The following PDE4A variants were observed in gnomAD, a reference collection of about 807,000 sequenced individuals.
PDE4A encodes the protein phosphodiesterase 4A.
Under a neutral mutation model 73.9 loss-of-function variants are expected in PDE4A, and 21 were observed. That is an observed-to-expected ratio of 0.28 (90% CI 0.20 to 0.41). The LOEUF is 0.41. PDE4A is among the 10% of genes least tolerant of loss of function. The pLI is 1.00. For synonymous variants in PDE4A, 463 were observed against 505.4 expected (o/e 0.92, Z 1.13); for missense variants, 958 against 1,211.4 (o/e 0.79, Z 3.10).
intron 8 of PDE4A, chr19:10,459,123 C>T: frequency 2.2e-6 from 1 of 462,542 alleles, no homozygotes; most frequent in Non-Finnish European, 3.9e-6. Context: ...GTCACATCGC[C>T]TCTCTGAGCC....
intron 1 of PDE4A, chr19:10,427,731 C>T (rs1257120352): frequency 1.9e-5 from 18 of 948,010 alleles, no homozygotes; most frequent in East Asian, 1.2e-4. Context: ...TTGGCTTCCC[C>T]GTCTCTGAAA....
chr19:10,422,811 T>A (rs2042668137), intron 1 of PDE4A, among the ~76,000 whole-genome samples: 1 of 152,108 alleles, frequency 6.6e-6, no homozygotes, highest in African/African-American at 2.4e-5. Context: ...AAAGTTGGAA[T>A]CAACAGAAAA....
chr19:10,431,385 T>C (rs2042786352), intron 1 of PDE4A, among the ~76,000 whole-genome samples: 1 of 152,194 alleles, frequency 6.6e-6, no homozygotes, highest in East Asian at 1.9e-4. Flanking sequence ...GGGGTATGTG[T>C]TCAGTTCTGT....
rs146200648 is a variant in PDE4A at position 10,459,442 on chromosome 19, G to A, written c.1144G>A (p.Val382Met). ...CAAGTGGGGCCTGAACATCTTTTGC[G>A]TGTCGGATTACGCTGGAGGCCGCTC... ...LNKWGLNIFC[V>M]SDYAGGRSLT... The change falls in exon 9 of 15, where the codon GTG becomes ATG. Residue 382 changes from valine (V) to methionine (M), a missense_variant. Val to Met is a conservative substitution (Grantham distance 21). Transcript: ENST00000380702. 22 of 1,614,070 alleles carry A rather than the reference G, an allele frequency of 1.4e-5. No individual in the cohort carries two copies. The highest frequency in any genetic ancestry group is 5.3e-5 in the African/African-American group (4 of 74,908).
In PDE4A at chr19:10,461,083, A is replaced by G. The variant is rs202184347; in HGVS notation, c.1445A>G (p.Asn482Ser). 7 of 1,612,986 alleles carry G rather than the reference A, an allele frequency of 4.3e-6. No homozygotes were observed. The highest frequency in any genetic ancestry group is 2.2e-5 in the East Asian group (1 of 44,826). ...GATGTGGATCACCCTGGGGTCTCCA[A>G]CCAGTTCCTCATCAACACCAGTGAG... ...IHDVDHPGVSNQFLINTNSEL... is the reference protein window; with the variant it reads ...IHDVDHPGVSSQFLINTNSEL... Residue 482 changes from asparagine to serine, a missense_variant, in exon 11 of 15, where the codon AAC becomes AGC. Coordinates refer to ENST00000380702, the MANE Select transcript of PDE4A (RefSeq NM_001111307.2).
At position 10,455,806 on chromosome 19, in the gene PDE4A, C is replaced by T. The variant is rs530239507; in HGVS notation, c.877+884C>T. ...AAAAGCCTCCAAGCTGAAAAGCCTC[C>T]TGAACTGAGTAGAACCCCAAATTCA... is the stretch of plus-strand genomic sequence containing the variant. On this transcript the variant is annotated intron_variant, in intron 7 of 14. Transcript: ENST00000380702. Among the ~76,000 whole-genome samples the T allele has an allele frequency of 8.0e-4, 121 of 151,788 alleles. 2 individuals carry two copies. The South Asian group carries it at 0.01, about 13-fold the overall frequency.
chr19:10,417,368 A>T, upstream of PDE4A: 1 of 985,220 alleles, frequency 1.0e-6, no homozygotes, highest in Non-Finnish European at 1.2e-6. Flanking sequence ...TAAAAAGGTG[A>T]TGTGTTAGAG....
intron 14 of PDE4A, among the ~76,000 whole-genome samples, chr19:10,464,184 G>A (rs1217808642): frequency 1.3e-5 from 2 of 151,828 alleles, no homozygotes; most frequent in African/African-American, 2.4e-5. Context: ...TGCAACCTCC[G>A]CCTCCCAGGT....
chr19:10,463,748 C>G lies in PDE4A; in HGVS notation c.1744-45C>G, dbSNP rs76884064. The G allele has an allele frequency of 9.9e-3, 15,871 of 1,602,766 alleles. 703 individuals carry two copies. The African/African-American group carries it at 0.12, about 12-fold the overall frequency. Reference sequence around the variant, plus strand: ...ATGCCTGAGGTCTCAGACTGGGACACAGGCATAGCCTCTGAAGTTTCCCCT... The same window carrying G: ...ATGCCTGAGGTCTCAGACTGGGACAGAGGCATAGCCTCTGAAGTTTCCCCT... On this transcript the variant is annotated intron_variant, in intron 13 of 14. Transcript: ENST00000380702.
In PDE4A at chr19:10,467,588, T is replaced by G. The variant is rs1255289204; in HGVS notation, c.2628T>G (p.Pro876=). ...AGGACACATCCGCACTCCCAGCTCC[T>G]GGTGGCGGGGGGTCAGGTGGAGACC... The part of the protein sequence containing the change: ...FGEDTSALPA[P]GGGGSGGDPT The change falls in exon 15 of 15, where the codon CCT becomes CCG. Residue 876 remains proline (P), a synonymous_variant. Coordinates refer to ENST00000380702, the MANE Select transcript of PDE4A (RefSeq NM_001111307.2). 1 of 1,589,568 alleles carries G rather than the reference T, an allele frequency of 6.3e-7. No individual in the cohort carries two copies. The highest frequency in any genetic ancestry group is 8.6e-7 in the Non-Finnish European group (1 of 1,165,484).
Position 10,459,772 on chromosome 19 carries a change from C to T in PDE4A, c.1365+13C>T. On this transcript the variant is annotated intron_variant, in intron 10 of 14. Transcript: ENST00000380702. Reference sequence around the variant, plus strand: ...GCCTGCACTAGATGTGAGTGACTGCCCTGTGAGTGACCGTCCCCATCTCTC... The same window carrying T: ...GCCTGCACTAGATGTGAGTGACTGCTCTGTGAGTGACCGTCCCCATCTCTC... 6.3e-7 allele frequency: 1 copy of T among 1,591,644 alleles called. No individual in the cohort carries two copies. The highest frequency in any genetic ancestry group is 1.1e-5 in the South Asian group (1 of 88,880).
chr19:10,431,568 G>T (rs578161489), intron 1 of PDE4A, among the ~76,000 whole-genome samples: 2 of 152,198 alleles, frequency 1.3e-5, no homozygotes, highest in Non-Finnish European at 2.9e-5. Context: ...GACAGGCCCC[G>T]AGGCCACATC....
chr19:10,445,773 A>C (rs930450586), intron 1 of PDE4A, among the ~76,000 whole-genome samples: 4 of 149,356 alleles, frequency 2.7e-5, no homozygotes, highest in African/African-American at 9.9e-5. Flanking sequence ...CATACCTCAA[A>C]AAAAAAAAAA....
chr19:10,452,992 CCT>C, intron 6 of PDE4A: 1 of 1,280,940 alleles, frequency 7.8e-7, no homozygotes, highest in Non-Finnish European at 9.9e-7. Flanking sequence ...GCCCTGCCCC[CCT>C]CCCATGGGCA....
At chr19:10,444,675 T>A (rs1276370328) in intron 1 of PDE4A, among the ~76,000 whole-genome samples, 1 of 150,728 alleles carries the variant, frequency 6.6e-6, no homozygotes, top group African/African-American at 2.4e-5. Flanking sequence ...CTGAGATTTT[T>A]TTTTTTTTTT....
chr19:10,453,469 C>G lies in PDE4A; in HGVS notation c.784-1360C>G, dbSNP rs922590712. ...TCTCTGTGTGTGGCCCAGGGCTGGG[C>G]GTGGATGGCGGGCAGCTGGGGGTGT... On this transcript the variant is annotated intron_variant, in intron 6 of 14. Coordinates refer to ENST00000380702, the MANE Select transcript of PDE4A (RefSeq NM_001111307.2). This position sits in a 1 kb window ranked among gnomAD's most constrained non-coding sequence, Gnocchi z 4.6. 1.1e-5 allele frequency: 12 copies of G among 1,100,784 alleles called. No individual in the cohort carries two copies. In the African/African-American group the frequency reaches 1.8e-4, roughly 16 times the overall value. 68.2% of individuals were successfully genotyped at this position (1,100,784 alleles called of 1,614,324 possible).
At chr19:10,448,529 G>A (rs2043044809) in intron 2 of PDE4A, among the ~76,000 whole-genome samples, 1 of 151,242 alleles carries the variant, frequency 6.6e-6, no homozygotes, top group Admixed American at 6.6e-5. Context: ...CCAGCTTCTT[G>A]GGAGGCTGAG....
In PDE4A at chr19:10,433,969, G is replaced by A. The variant is rs1315188702; in HGVS notation, c.321-12249G>A. On this transcript the variant is annotated intron_variant, in intron 1 of 14. Coordinates refer to ENST00000380702, the MANE Select transcript of PDE4A (RefSeq NM_001111307.2). ...TTCTAGGCCGGGCGTGGTGGCTCAT[G>A]CCTGTAATCCCAGCACTTTGGGAGG... 2.0e-5 allele frequency among the ~76,000 whole-genome samples: 3 copies of A among 152,210 alleles called. No individual in the cohort carries two copies. The East Asian group carries it at 5.8e-4, about 29-fold the overall frequency.
At chr19:10,439,401 C>T (rs1161520212) in intron 1 of PDE4A, among the ~76,000 whole-genome samples, 3 of 152,092 alleles carry the variant, frequency 2.0e-5, no homozygotes, top group African/African-American at 7.2e-5. Context: ...AGGCTGGTCT[C>T]GAACTCTGGA....
Sources: allele counts gnomAD v4.1 joint callset (sites outside exome capture counted in the v4.1 genomes callset), GRCh38; gene constraint gnomAD v4.1.1; non-coding constraint Gnocchi (gnomAD v3.1); transcripts MANE v1.5; gene names NCBI Gene and HGNC (gene_info 2026-07-23, HGNC 2026-07-21).